Variants in SPAG16 observed in about 807,000 individuals in gnomAD.
SPAG16 encodes the protein sperm-associated antigen 16 protein.
Under a neutral mutation model 80.4 loss-of-function variants are expected in SPAG16, and 86 were observed. The ratio of observed to expected loss-of-function variants is 1.07; its 90% CI spans 0.90 to 1.28. SPAG16 has a LOEUF of 1.28. SPAG16 is among the 50% of genes most tolerant of loss of function. The probability of loss-of-function intolerance (pLI) is 0.00; values close to 1 mark genes in which losing one functional copy is unlikely to be tolerated. For synonymous variants in SPAG16, 294 were observed against 265.9 expected (o/e 1.11, Z -1.03); for missense variants, 870 against 765.3 (o/e 1.14, Z -1.61).
chr2:213,512,109 ACAGTAT>A (rs2075250054), intron 10 of SPAG16, among the ~76,000 whole-genome samples: 1 of 152,178 alleles, frequency 6.6e-6, no homozygotes, highest in South Asian at 2.1e-4. Context: ...AGTCATACTT[ACAGTAT>A]GTTATTGCAA....
chr2:213,591,386 A>G (rs1366981669), intron 10 of SPAG16, among the ~76,000 whole-genome samples: 8 of 152,228 alleles, frequency 5.3e-5, no homozygotes, highest in Non-Finnish European at 4.4e-5. Flanking sequence ...TAAGAATTAT[A>G]TAATATTTTA....
intron 10 of SPAG16, among the ~76,000 whole-genome samples, chr2:213,672,127 T>G (rs1258803010): frequency 6.6e-6 from 1 of 152,126 alleles, no homozygotes; most frequent in Admixed American, 6.5e-5. Flanking sequence ...TACTATAAAG[T>G]TGTGAAACAA....
chr2:213,830,638 T>A (rs1165598405), intron 10 of SPAG16, among the ~76,000 whole-genome samples: 3 of 152,172 alleles, frequency 2.0e-5, no homozygotes, highest in African/African-American at 7.2e-5. Flanking sequence ...AAATGTGTAA[T>A]TCATTGTGAA....
chr2:213,941,584 C>T (rs1246208853), intron 12 of SPAG16, among the ~76,000 whole-genome samples: 1 of 152,126 alleles, frequency 6.6e-6, no homozygotes, highest in East Asian at 1.9e-4. Context: ...TTGGAACATA[C>T]TGGGAAAGTA....
At chr2:213,946,645 AT>A (rs1337787596) in intron 12 of SPAG16, among the ~76,000 whole-genome samples, 19 of 152,336 alleles carry the variant, frequency 1.2e-4, no homozygotes, top group Admixed American at 8.5e-4. Context: ...GAAATTTGAA[AT>A]TGGTACAATA....
chr2:214,268,296 T>C (rs1691737315), intron 15 of SPAG16, among the ~76,000 whole-genome samples: 1 of 151,642 alleles, frequency 6.6e-6, no homozygotes, highest in Non-Finnish European at 1.5e-5. Context: ...CTCAGTACTG[T>C]ATATATATAT....
intron 10 of SPAG16, among the ~76,000 whole-genome samples, chr2:213,559,428 A>G (rs1220969183): frequency 6.6e-6 from 1 of 152,172 alleles, no homozygotes; most frequent in Non-Finnish European, 1.5e-5. Flanking sequence ...GGAAGGAGAA[A>G]TCTTACCGAA....
At chr2:214,236,685 G>T (rs10427259) in intron 15 of SPAG16, among the ~76,000 whole-genome samples, 37,043 of 151,814 alleles carry the variant, frequency 0.24, 6,158 homozygotes, top group African/African-American at 0.48. Flanking sequence ...TGAATTCACT[G>T]CCTATATCTA....
chr2:213,905,640 C>T (rs552597190), intron 11 of SPAG16, among the ~76,000 whole-genome samples: 13 of 152,154 alleles, frequency 8.5e-5, no homozygotes, highest in African/African-American at 2.9e-4. Context: ...ATTTCCTGCC[C>T]CCTATGTATT....
chr2:213,461,501 G>A (rs114956448), intron 9 of SPAG16, among the ~76,000 whole-genome samples: 71 of 152,210 alleles, frequency 4.7e-4, no homozygotes, highest in Middle Eastern at 3.4e-3. Context: ...TGTTAAGCAG[G>A]GAGACATATT....
chr2:213,628,631 G>C (rs2062040863), intron 10 of SPAG16, among the ~76,000 whole-genome samples: 1 of 152,110 alleles, frequency 6.6e-6, no homozygotes, highest in South Asian at 2.1e-4. Flanking sequence ...TGTTTTGCTT[G>C]TAACTTCTAT....
chr2:214,012,738 A>T (rs906902479), intron 12 of SPAG16, among the ~76,000 whole-genome samples: 2 of 152,186 alleles, frequency 1.3e-5, no homozygotes, highest in African/African-American at 4.8e-5. Flanking sequence ...GTCATTACAC[A>T]TGAGGAGTGG....
Position 213,862,711 on chromosome 2 carries a change from G to A in SPAG16, c.1214+83G>A, listed in dbSNP as rs944814885. On this transcript the variant is annotated intron_variant, in intron 11 of 15. Transcript: ENST00000331683. ...TCTGTCTGCTCACTCTGCTGTCTTTGATGATGTTTTTCTTTCTGCAACAAC... is the reference window on the plus strand; with the variant it reads ...TCTGTCTGCTCACTCTGCTGTCTTTAATGATGTTTTTCTTTCTGCAACAAC... 5 of 1,486,048 alleles carry A rather than the reference G, an allele frequency of 3.4e-6. No individual in the cohort carries two copies. The African/African-American group carries it at 5.5e-5, about 16-fold the overall frequency. The allele number at this position is 1,486,048 out of a possible 1,614,324, so 92.1% of individuals were successfully genotyped here.
intron 10 of SPAG16, among the ~76,000 whole-genome samples, chr2:213,533,294 G>T (rs910752823): frequency 6.6e-6 from 1 of 152,160 alleles, no homozygotes. Context: ...TTAAGCAGAA[G>T]GATGCTCAAA....
rs932505197 is a variant in SPAG16, at chr2:213,388,575, A to T, written c.942+13456A>T. On this transcript the variant is annotated intron_variant, in intron 9 of 15. Coordinates refer to ENST00000331683, the MANE Select transcript of SPAG16 (RefSeq NM_024532.5). The stretch of plus-strand genomic sequence containing the variant: ...ACAGTCCATAACAATAAATTTTTTT[A>T]AAAAATAAATAAACACAAACAATAG... Among the ~76,000 whole-genome samples, 7 of 152,326 alleles carry T rather than the reference A, an allele frequency of 4.6e-5. No homozygotes were observed. The South Asian group carries it at 8.3e-4, about 18-fold the overall frequency.
intron 10 of SPAG16, among the ~76,000 whole-genome samples, chr2:213,835,240 T>C (rs2074009552): frequency 6.6e-6 from 1 of 152,234 alleles, no homozygotes; most frequent in Non-Finnish European, 1.5e-5. Context: ...AGTGCCAGGC[T>C]GTCTCCTCTC....
chr2:213,715,002 G>A (rs1230052440), intron 10 of SPAG16, among the ~76,000 whole-genome samples: 1 of 152,140 alleles, frequency 6.6e-6, no homozygotes, highest in East Asian at 1.9e-4. Context: ...ACTTCAGCTG[G>A]CCGTTAGAAG....
At chr2:214,057,825 A>T (rs999452547) in intron 13 of SPAG16, among the ~76,000 whole-genome samples, 1 of 152,200 alleles carries the variant, frequency 6.6e-6, no homozygotes, top group Non-Finnish European at 1.5e-5. Flanking sequence ...CTTCTACATC[A>T]GCACTGGCGC....
At chr2:213,293,933 G>C (rs72935145) in intron 1 of SPAG16, among the ~76,000 whole-genome samples, 30,588 of 152,010 alleles carry the variant, frequency 0.2, 3,871 homozygotes, top group Non-Finnish European at 0.29. Flanking sequence ...ATTACTTGTG[G>C]TGAGAATATT....
Sources: allele counts gnomAD v4.1 joint callset (sites outside exome capture counted in the v4.1 genomes callset), GRCh38; gene constraint gnomAD v4.1.1; transcripts MANE v1.5; gene names NCBI Gene and HGNC (gene_info 2026-07-23, HGNC 2026-07-21).